Variants in PSD3 observed in about 807,000 individuals in gnomAD.
The protein encoded by PSD3 is PH and SEC7 domain-containing protein 3.
PSD3 carries 49 observed loss-of-function variants against 105.5 expected under a neutral mutation model. The ratio of observed to expected loss-of-function variants is 0.46; its 90% confidence interval spans 0.37 to 0.59. PSD3 has a LOEUF of 0.59. Ranked by LOEUF, PSD3 falls within the 20% of genes least tolerant of loss-of-function variation. The pLI is 0.00. For synonymous variants in PSD3, 557 were observed against 457.8 expected (o/e 1.22, Z -2.77); for missense variants, 1,561 against 1,263.8 (o/e 1.24, Z -3.57).
intron 2 of PSD3, among the ~76,000 whole-genome samples, chr8:18,919,166 G>C (rs148011947): frequency 9.1e-4 from 138 of 152,226 alleles, no homozygotes; most frequent in Non-Finnish European, 1.1e-3. Flanking sequence ...AAAGGAGCCA[G>C]GTGATCTCTT....
At chr8:19,011,808 T>C (rs1243107848) in intron 1 of PSD3, among the ~76,000 whole-genome samples, 1 of 152,090 alleles carries the variant, frequency 6.6e-6, no homozygotes, top group African/African-American at 2.4e-5. Flanking sequence ...ACCACGGAAT[T>C]TGGCCGTAAT....
chr8:18,757,325 G>A (rs908769360), intron 9 of PSD3, among the ~76,000 whole-genome samples: 7 of 151,740 alleles, frequency 4.6e-5, no homozygotes, highest in East Asian at 1.9e-4. Flanking sequence ...TTAGCTGGGC[G>A]TGGTGGTGGA....
At chr8:18,802,338 T>A in intron 6 of PSD3, 1 of 435,778 alleles carries the variant, frequency 2.3e-6, no homozygotes, top group South Asian at 1.7e-5. Context: ...CACTTGACAA[T>A]GTAGATTCAT....
chr8:18,821,684 A>C (rs867959800), intron 4 of PSD3, among the ~76,000 whole-genome samples: 2 of 131,396 alleles, frequency 1.5e-5, no homozygotes, highest in South Asian at 5.2e-4. Flanking sequence ...TGACCCCCAC[A>C]ACACACACAC....
intron 1 of PSD3, among the ~76,000 whole-genome samples, chr8:18,953,247 T>G (rs939893554): frequency 4.6e-5 from 7 of 152,102 alleles, no homozygotes; most frequent in African/African-American, 1.7e-4. Flanking sequence ...AAACTCCTGG[T>G]TGGGGTATAA....
At chr8:19,031,506 A>G (rs1827768216) in intron 1 of PSD3, among the ~76,000 whole-genome samples, 1 of 152,114 alleles carries the variant, frequency 6.6e-6, no homozygotes, top group Non-Finnish European at 1.5e-5. Flanking sequence ...CTTCTATAAT[A>G]TTTTCTGTTG....
intron 4 of PSD3, among the ~76,000 whole-genome samples, chr8:18,819,143 A>G (rs1261707266): frequency 6.6e-6 from 1 of 152,204 alleles, no homozygotes; most frequent in Non-Finnish European, 1.5e-5. Flanking sequence ...TCCAAATCCA[A>G]CACTTTTTGT....
intron 1 of PSD3, among the ~76,000 whole-genome samples, chr8:19,074,683 C>A (rs1490472032): frequency 7.5e-6 from 1 of 133,998 alleles, no homozygotes; most frequent in Non-Finnish European, 1.5e-5. Context: ...TGCAGTGACG[C>A]GATCGCAGCT....
chr8:18,768,568 G>A (rs1563244069), intron 8 of PSD3, among the ~76,000 whole-genome samples: 1 of 152,212 alleles, frequency 6.6e-6, no homozygotes, highest in Non-Finnish European at 1.5e-5. Context: ...CTGCATTCCA[G>A]CTCGGGTAAC....
At position 19,078,220 on chromosome 8, in the gene PSD3, T is replaced by G. The variant is rs183922797; in HGVS notation, c.324+5986A>C. 5.3e-5 allele frequency among the ~76,000 whole-genome samples: 8 copies of G among 152,170 alleles called. No individual in the cohort carries two copies. The East Asian group carries it at 1.5e-3, about 29-fold the overall frequency. Reference sequence around the variant, plus strand: ...CAGGAAAACAAAAGTCTTTCAAAGATAAAATTTTTACCGTATCATAACCTG... The same window carrying G: ...CAGGAAAACAAAAGTCTTTCAAAGAGAAAATTTTTACCGTATCATAACCTG... On this transcript the variant is annotated intron_variant, in intron 1 of 1. Coordinates refer to the PSD3 transcript ENST00000521475.
At chr8:18,585,864 T>C (rs1267457191) in intron 12 of PSD3, among the ~76,000 whole-genome samples, 1 of 152,152 alleles carries the variant, frequency 6.6e-6, no homozygotes, top group Non-Finnish European at 1.5e-5. Context: ...AATCAGCAAT[T>C]AGTTAAGTGA....
chr8:18,736,818 T>A (rs1292030685), intron 9 of PSD3, among the ~76,000 whole-genome samples: 1 of 152,230 alleles, frequency 6.6e-6, no homozygotes, highest in Non-Finnish European at 1.5e-5. Context: ...GACTTATTAT[T>A]TGTTTTTCCA....
At chr8:19,064,402 C>T (rs76494159) in intron 1 of PSD3, among the ~76,000 whole-genome samples, 14,562 of 151,976 alleles carry the variant, frequency 0.096, 717 homozygotes, top group African/African-American at 0.1. Flanking sequence ...ATTTACACAA[C>T]AGTTATACCT....
chr8:18,990,911 G>A (rs1422481161), intron 1 of PSD3, among the ~76,000 whole-genome samples: 2 of 152,098 alleles, frequency 1.3e-5, no homozygotes, highest in Admixed American at 1.3e-4. Context: ...TGAGGAGTGG[G>A]GGAAGCAAAA....
At chr8:18,831,531 G>A (rs1487237225) in intron 4 of PSD3, among the ~76,000 whole-genome samples, 3 of 152,144 alleles carry the variant, frequency 2.0e-5, no homozygotes, top group African/African-American at 7.2e-5. Context: ...AGAGCAGCCT[G>A]GCCAACATGG....
intron 4 of PSD3, among the ~76,000 whole-genome samples, chr8:18,840,139 G>C (rs1380003374): frequency 6.6e-6 from 1 of 152,126 alleles, no homozygotes; most frequent in Non-Finnish European, 1.5e-5. Flanking sequence ...TAAATCAAAG[G>C]AATGTGAATG....
At position 18,741,334 on chromosome 8, in the gene PSD3, G is replaced by T. The variant is rs111327020; in HGVS notation, c.2172+24115C>A. Among the ~76,000 whole-genome samples, 692 of 152,278 alleles carry T rather than the reference G, an allele frequency of 4.5e-3. 3 individuals are homozygous for T. The highest frequency in any genetic ancestry group is 0.016 in the African/African-American group (672 of 41,560). Reference sequence around the variant, plus strand: ...TCCTTAATTTGCCCAATGTCACAATGCCAGTAAGTGTCAGGGTCAGAACTT... The same window carrying T: ...TCCTTAATTTGCCCAATGTCACAATTCCAGTAAGTGTCAGGGTCAGAACTT... On this transcript the variant is annotated intron_variant, in intron 9 of 15. Transcript: ENST00000327040.
At chr8:19,012,207 T>C (rs1826982433) in intron 1 of PSD3, among the ~76,000 whole-genome samples, 1 of 152,208 alleles carries the variant, frequency 6.6e-6, no homozygotes, top group Non-Finnish European at 1.5e-5. Context: ...TGAAATATCT[T>C]ACAAGACAAA....
At chr8:18,968,179 C>G (rs764527268) in intron 1 of PSD3, among the ~76,000 whole-genome samples, 8 of 152,192 alleles carry the variant, frequency 5.3e-5, no homozygotes, top group Non-Finnish European at 1.2e-4. Context: ...CACTTCAGGG[C>G]AGCCACTGGC....
Sources: gnomAD v4.1 joint callset for allele counts (sites outside exome capture counted in the v4.1 genomes callset) on GRCh38, gnomAD v4.1.1 for gene constraint, MANE v1.5 for transcripts, NCBI Gene and HGNC (gene_info 2026-07-23, HGNC 2026-07-21) for gene names.